CELF4: variants seen among roughly 807,000 people sequenced by gnomAD.
CELF4 encodes CUG-BP- and ETR-3-like factor 4.
CELF4 carries 18 observed loss-of-function variants against 59.9 expected under a neutral mutation model. The ratio of observed to expected loss-of-function variants is 0.30; its 90% CI spans 0.21 to 0.45. The LOEUF (loss-of-function observed/expected upper bound fraction) is 0.45, where lower values mean the gene tolerates loss of function less well. CELF4 is among the 20% of genes least tolerant of loss of function. The pLI is 1.00. For synonymous variants in CELF4, 261 were observed against 267.1 expected (o/e 0.98, Z 0.22); for missense variants, 456 against 689.0 (o/e 0.66, Z 3.79).
intron 2 of CELF4, among the ~76,000 whole-genome samples, chr18:37,468,330 T>A (rs971397792): frequency 1.3e-5 from 2 of 152,190 alleles, no homozygotes; most frequent in African/African-American, 2.4e-5. Context: ...AGTGCTGGCC[T>A]CAGAGGCCTA....
At chr18:37,358,408 T>C (rs2098640532) in intron 2 of CELF4, among the ~76,000 whole-genome samples, 1 of 152,224 alleles carries the variant, frequency 6.6e-6, no homozygotes, top group African/African-American at 2.4e-5. Context: ...CACGTGGAAC[T>C]GTGAGTGCTC....
chr18:37,482,134 C>T (rs184187950), intron 2 of CELF4, among the ~76,000 whole-genome samples: 2 of 152,232 alleles, frequency 1.3e-5, no homozygotes, highest in Non-Finnish European at 2.9e-5. Flanking sequence ...CTTCCATCCC[C>T]AACTTGGTGG....
intron 2 of CELF4, among the ~76,000 whole-genome samples, chr18:37,432,991 G>A (rs116593423): frequency 2.0e-5 from 3 of 152,226 alleles, no homozygotes; most frequent in African/African-American, 4.8e-5. Flanking sequence ...CACGGTATGC[G>A]CAACACAGGA....
intron 2 of CELF4, among the ~76,000 whole-genome samples, chr18:37,427,471 C>A (rs576111622): frequency 2.6e-5 from 4 of 152,096 alleles, no homozygotes; most frequent in African/African-American, 7.2e-5. Flanking sequence ...TGGGTCCTTT[C>A]GGGGAACTGT....
At chr18:37,275,515 G>A (rs1201912100) in intron 3 of CELF4, 8 of 466,346 alleles carry the variant, frequency 1.7e-5, no homozygotes, top group Non-Finnish European at 3.1e-5. Flanking sequence ...GGATCGCAGC[G>A]ACTCGGCCTC....
intron 1 of CELF4, among the ~76,000 whole-genome samples, chr18:37,498,553 C>T (rs1319646774): frequency 6.6e-6 from 1 of 151,090 alleles, no homozygotes; most frequent in East Asian, 2.0e-4. Context: ...TCCTGTCATT[C>T]TGTTTTGTCT....
chr18:37,255,471 A>T (rs1324021477), intron 11 of CELF4, among the ~76,000 whole-genome samples: 2 of 151,508 alleles, frequency 1.3e-5, no homozygotes, highest in African/African-American at 2.4e-5. Context: ...GAGCAACAAA[A>T]CTAACCTCTG....
At chr18:37,547,160 G>GGTGT (rs59169669) in intron 1 of CELF4, among the ~76,000 whole-genome samples, 3,918 of 144,158 alleles carry the variant, frequency 0.027, 59 homozygotes, top group Middle Eastern at 0.058. Flanking sequence ...GTGTGTGTGT[G>GGTGT]GTGTGTGTGT....
Position 37,565,515 on chromosome 18 carries a change from G to A in CELF4, c.127C>T (p.Pro43Ser). 6.2e-7 allele frequency: 1 copy of A among 1,614,176 alleles called. No homozygotes were observed. Among genetic ancestry groups the A allele is most frequent in the Non-Finnish European group, 8.5e-7 (1 of 1,180,046 alleles). ...MNGLSHSPGN[P>S]STIPMKDHDA... is the part of the protein sequence containing the mutation. ...TGGTCCTTCATGGGAATGGTCGACG[G>A]GTTCCCCGGGCTGTGGCTTAATCCG... The change falls in exon 1 of 13, where the codon CCG becomes TCG. Residue 43 changes from proline to serine, a missense_variant. Physicochemically the swap from Pro to Ser is moderately conservative, Grantham distance 74. Around this residue, in one of 7 missense-constraint regions of CELF4, gnomAD observed 70 missense variants for 69.5 expected, o/e 1.01. Coordinates refer to ENST00000420428, the MANE Select transcript of CELF4 (RefSeq NM_020180.4).
At chr18:37,320,771 C>G (rs2097086619) in intron 3 of CELF4, among the ~76,000 whole-genome samples, 1 of 152,148 alleles carries the variant, frequency 6.6e-6, no homozygotes, top group South Asian at 2.1e-4. Context: ...GGACAATGCC[C>G]TTCTCCCAAG....
At chr18:37,449,528 C>T (rs900260359) in intron 2 of CELF4, among the ~76,000 whole-genome samples, 4 of 152,056 alleles carry the variant, frequency 2.6e-5, no homozygotes, top group Admixed American at 6.5e-5. Context: ...GTTCCAGATC[C>T]GGGGATACAG....
chr18:37,384,580 C>T (rs995477441), intron 2 of CELF4, among the ~76,000 whole-genome samples: 5 of 151,930 alleles, frequency 3.3e-5, no homozygotes, highest in Non-Finnish European at 7.4e-5. Flanking sequence ...GCCTGGAGGT[C>T]CCCTGGGCCA....
chr18:37,468,397 C>G (rs962852843), intron 2 of CELF4, among the ~76,000 whole-genome samples: 1 of 152,126 alleles, frequency 6.6e-6, no homozygotes, highest in South Asian at 2.1e-4. Context: ...ACTAGTGGGT[C>G]AGGGCCATGG....
intron 3 of CELF4, among the ~76,000 whole-genome samples, chr18:37,282,970 A>G (rs940580213): frequency 3.3e-5 from 5 of 152,082 alleles, no homozygotes; most frequent in Non-Finnish European, 7.4e-5. Context: ...GAGACATCAA[A>G]CCAGATCAAA....
chr18:37,484,655 T>A (rs2099877120), intron 2 of CELF4, among the ~76,000 whole-genome samples: 1 of 152,224 alleles, frequency 6.6e-6, no homozygotes, highest in Admixed American at 6.5e-5. Context: ...TCCGTCTACC[T>A]GGTTAACCTT....
At chr18:37,337,641 G>A (rs59213378) in intron 2 of CELF4, among the ~76,000 whole-genome samples, 66,011 of 152,090 alleles carry the variant, frequency 0.43, 14,545 homozygotes, top group East Asian at 0.65. Context: ...AGATGGCAGC[G>A]TCCTCTGCCT....
At chr18:37,302,838 C>T (rs2096150781) in intron 3 of CELF4, among the ~76,000 whole-genome samples, 1 of 152,166 alleles carries the variant, frequency 6.6e-6, no homozygotes, top group African/African-American at 2.4e-5. Context: ...ACAGCTCCCT[C>T]CAACAGCATT....
At chr18:37,270,947 A>T (rs1188786935) in intron 7 of CELF4, 30 bp from the exon 8 acceptor site, 3 of 1,563,862 alleles carry the variant, frequency 1.9e-6, no homozygotes, top group Non-Finnish European at 2.6e-6. Flanking sequence ...AGGGTGGAGG[A>T]GGAGGGGAGG....
At chr18:37,427,395 G>A (rs184344373) in intron 2 of CELF4, among the ~76,000 whole-genome samples, 9 of 152,228 alleles carry the variant, frequency 5.9e-5, no homozygotes, top group Admixed American at 5.2e-4. Flanking sequence ...CTCTCCCCAG[G>A]GCTGCATGGG....
Sources: gnomAD v4.1 joint callset for allele counts (sites outside exome capture counted in the v4.1 genomes callset) on GRCh38, gnomAD v4.1.1 for gene constraint, gnomAD v4.1.1 regional missense constraint, MANE v1.5 for transcripts, NCBI Gene and HGNC (gene_info 2026-07-23, HGNC 2026-07-21) for gene names.